Variants in NR5A2 observed in about 807,000 individuals in gnomAD.
NR5A2 encodes CYP7A promoter-binding factor.
A neutral mutation model predicts 62.7 loss-of-function variants in NR5A2; 26 were observed. That is an observed-to-expected ratio of 0.41 (90% CI 0.30 to 0.58). The LOEUF (loss-of-function observed/expected upper bound fraction) is 0.58. Among genes scored for constraint, NR5A2 ranks in the 20% least tolerant of loss-of-function variants. NR5A2 has a pLI of 0.22. For missense variants in NR5A2, 541 were observed against 669.1 expected (o/e 0.81, Z 2.11); for synonymous variants, 246 against 241.7 (o/e 1.02, Z -0.16).
intron 5 of NR5A2, among the ~76,000 whole-genome samples, chr1:200,087,245 C>CACACACACACAT (rs1377459270): frequency 4.6e-5 from 2 of 43,054 alleles, no homozygotes; most frequent in Non-Finnish European, 1.1e-4. Flanking sequence ...TTCACCAACA[C>CACACACACACAT]ACACACACAC....
At chr1:200,159,706 C>G (rs1046873029) in intron 7 of NR5A2, among the ~76,000 whole-genome samples, 2 of 151,816 alleles carry the variant, frequency 1.3e-5, no homozygotes, top group Admixed American at 6.6e-5. Context: ...GGCTGGAGTG[C>G]AATGGTGCCA....
intron 7 of NR5A2, 94 bp from the exon 8 acceptor site, chr1:200,173,869 G>C: frequency 7.9e-7 from 1 of 1,272,796 alleles, no homozygotes; most frequent in Non-Finnish European, 1.0e-6. Context: ...ATGTCAAAAG[G>C]AAAATACATC....
chr1:200,040,470 G>C (rs549130550), intron 2 of NR5A2, among the ~76,000 whole-genome samples: 3 of 152,302 alleles, frequency 2.0e-5, no homozygotes. Context: ...TGAAAATATG[G>C]AGGTCCCATT....
At chr1:200,038,696 C>G in intron 1 of NR5A2, 6 of 1,366,288 alleles carry the variant, frequency 4.4e-6, no homozygotes, top group Non-Finnish European at 5.9e-6. Context: ...CTTGCTTCCC[C>G]TCAGATCGAG....
At chr1:200,119,913 CTTT>C (rs200964817) in intron 6 of NR5A2, among the ~76,000 whole-genome samples, 2 of 144,250 alleles carry the variant, frequency 1.4e-5, no homozygotes, top group African/African-American at 5.1e-5. Context: ...CCGGCCAGCA[CTTT>C]TTTTTTTTTA....
chr1:200,118,855 G>A (rs1426308432), intron 6 of NR5A2, among the ~76,000 whole-genome samples: 1 of 152,234 alleles, frequency 6.6e-6, no homozygotes, highest in Non-Finnish European at 1.5e-5. Flanking sequence ...TCAACAGTGT[G>A]TCCTGCCTCC....
chr1:200,145,660 TC>T (rs1667668839), intron 7 of NR5A2, among the ~76,000 whole-genome samples: 1 of 152,312 alleles, frequency 6.6e-6, no homozygotes, highest in African/African-American at 2.4e-5. Flanking sequence ...AGGGTCTTGC[TC>T]TGTTGTCCAG....
chr1:200,084,398 G>A (rs572638935), intron 5 of NR5A2, among the ~76,000 whole-genome samples: 2 of 152,154 alleles, frequency 1.3e-5, no homozygotes, highest in African/African-American at 4.8e-5. Context: ...ATTCCTTTCT[G>A]AAGCTTGGAA....
intron 2 of NR5A2, among the ~76,000 whole-genome samples, chr1:200,040,178 A>G (rs1476268666): frequency 6.6e-6 from 1 of 152,138 alleles, no homozygotes; most frequent in Admixed American, 6.5e-5. Context: ...CTGTACTTCA[A>G]CCAGTACTCT....
chr1:200,028,002 A>G, intron 1 of NR5A2, 91 bp downstream of exon 1: 1 of 838,216 alleles, frequency 1.2e-6, no homozygotes, highest in Non-Finnish European at 1.9e-6. Context: ...ATTTTAAGTC[A>G]TGGCTTTTCC....
At chr1:200,083,037 A>G (rs1383619297) in intron 5 of NR5A2, among the ~76,000 whole-genome samples, 1 of 152,134 alleles carries the variant, frequency 6.6e-6, no homozygotes, top group Non-Finnish European at 1.5e-5. Context: ...TCTTTATTTA[A>G]AGATAAAAAT....
chr1:200,094,970 T>C (rs971142642), intron 5 of NR5A2, among the ~76,000 whole-genome samples: 1 of 152,102 alleles, frequency 6.6e-6, no homozygotes, highest in African/African-American at 2.4e-5. Context: ...CATAAAGGAA[T>C]ATGTTAAACA....
chr1:200,091,622 C>T (rs1664819836), intron 5 of NR5A2, among the ~76,000 whole-genome samples: 1 of 151,758 alleles, frequency 6.6e-6, no homozygotes. Flanking sequence ...GTAGCTGGGA[C>T]TACAGGTGTA....
chr1:200,135,475 T>G (rs1667176690), intron 7 of NR5A2, among the ~76,000 whole-genome samples: 1 of 150,816 alleles, frequency 6.6e-6, no homozygotes, highest in East Asian at 2.0e-4. Flanking sequence ...AAGCCAAGAT[T>G]GCGCCCCTGC....
intron 5 of NR5A2, among the ~76,000 whole-genome samples, chr1:200,104,589 GA>G (rs1382877486): frequency 6.6e-6 from 1 of 151,716 alleles, no homozygotes; most frequent in Non-Finnish European, 1.5e-5. Context: ...TTGCCAGAAA[GA>G]AAAAAAGAAG....
rs775106954 is a variant in NR5A2 at position 200,137,317 on chromosome 1, A to ATTTTT, written c.1378+16378_1378+16382dup. ...AGGTGCACACCACCACACCTGGCTA[A>ATTTTT]TTTTTTTTTTTTTTTTTTTTATGTT... is the stretch of plus-strand genomic sequence containing the variant. On this transcript the variant is annotated intron_variant, in intron 7 of 7. Transcript: ENST00000367362. Among the ~76,000 whole-genome samples the ATTTTT allele has an allele frequency of 5.8e-4, 76 of 131,138 alleles. 1 individual carries two copies. The East Asian group carries it at 0.015, about 26-fold the overall frequency. 86.0% of individuals were successfully genotyped at this position (131,138 alleles called of 152,430 possible).
Position 200,147,555 on chromosome 1 carries a change from T to C in NR5A2, c.1379-26408T>C. ...TCTGTGATTTCCTTGGTTTCTCCAT[T>C]GGTGTGCTTAAAGCGATCTCCTCTA... On this transcript the variant is annotated intron_variant, in intron 7 of 7. Coordinates refer to ENST00000367362, the MANE Select transcript of NR5A2 (RefSeq NM_205860.3). The surrounding 1 kb of genome is among the most constrained non-coding windows in gnomAD (Gnocchi z 4.9). 1 of 695,828 alleles carries C rather than the reference T, an allele frequency of 1.4e-6. No individual in the cohort carries two copies. Among genetic ancestry groups the C allele is most frequent in the Non-Finnish European group, 2.7e-6 (1 of 371,960 alleles). 43.1% of individuals were successfully genotyped at this position (695,828 alleles called of 1,614,324 possible).
chr1:200,111,102 G>A, intron 5 of NR5A2, 100 bp from the exon 6 acceptor site: 2 of 1,362,228 alleles, frequency 1.5e-6, no homozygotes, highest in Non-Finnish European at 2.0e-6. Flanking sequence ...TTGTTTATAT[G>A]TAGTCCTCTT....
At chr1:200,171,852 T>C (rs1397124236) in intron 7 of NR5A2, among the ~76,000 whole-genome samples, 3 of 152,192 alleles carry the variant, frequency 2.0e-5, no homozygotes. Context: ...GATCTAGCCT[T>C]TGTTTTATGT....
Sources: allele counts gnomAD v4.1 joint callset (sites outside exome capture counted in the v4.1 genomes callset), GRCh38; gene constraint gnomAD v4.1.1; non-coding constraint Gnocchi (gnomAD v3.1); transcripts MANE v1.5; gene names NCBI Gene and HGNC (gene_info 2026-07-23, HGNC 2026-07-21).